TTC39C: variants seen among roughly 807,000 people sequenced by gnomAD.
TTC39C encodes tetratricopeptide repeat domain 39C.
TTC39C carries 33 observed loss-of-function variants against 76.3 expected under a neutral mutation model. The observed-to-expected ratio is 0.43, with a 90% CI of 0.33 to 0.58. TTC39C has a LOEUF of 0.58. Ranked by LOEUF, TTC39C falls within the 20% of genes least tolerant of loss-of-function variation. The probability of loss-of-function intolerance (pLI) is 0.04; values close to 1 mark genes in which losing one functional copy is unlikely to be tolerated. For synonymous variants in TTC39C, 254 were observed against 260.6 expected, an observed-to-expected ratio of 0.97 and a Z score of 0.24; for missense variants, 595 against 701.4, an observed-to-expected ratio of 0.85 and a Z score of 1.71.
intron 8 of TTC39C, among the ~76,000 whole-genome samples, chr18:24,122,821 C>G (rs985319269): frequency 3.3e-5 from 5 of 152,182 alleles, no homozygotes; most frequent in African/African-American, 9.7e-5. Context: ...TCGACTTCTC[C>G]TAGCTCCTTA....
chr18:23,997,694 G>GAAAGA (rs2083278379), intron 1 of TTC39C, among the ~76,000 whole-genome samples: 1 of 149,986 alleles, frequency 6.7e-6, no homozygotes, highest in Admixed American at 6.7e-5. Flanking sequence ...AAGAAAGAAA[G>GAAAGA]AAAGAAAGAA....
chr18:24,121,328 T>C (rs2084965401), intron 8 of TTC39C, among the ~76,000 whole-genome samples: 1 of 152,232 alleles, frequency 6.6e-6, no homozygotes, highest in South Asian at 2.1e-4. Flanking sequence ...ATCCCAGTAC[T>C]TTGGGAGGCC....
At chr18:24,075,840 T>C (rs2084301211) in intron 4 of TTC39C, among the ~76,000 whole-genome samples, 1 of 152,012 alleles carries the variant, frequency 6.6e-6, no homozygotes, top group South Asian at 2.1e-4. Context: ...CCCTGAAAAA[T>C]TACAAAATTT....
intron 1 of TTC39C, among the ~76,000 whole-genome samples, chr18:24,043,400 TC>T (rs2083822392): frequency 6.6e-6 from 1 of 152,140 alleles, no homozygotes; most frequent in South Asian, 2.1e-4. Flanking sequence ...CATTCTTTTT[TC>T]CCTACCCCTC....
At chr18:24,016,500 G>T in intron 1 of TTC39C, 1 of 390,636 alleles carries the variant, frequency 2.6e-6, no homozygotes, top group Non-Finnish European at 4.5e-6. Context: ...TTTAGTTGAT[G>T]ATTTAGGTAC....
chr18:24,086,048 G>T (rs1568432157), intron 6 of TTC39C, among the ~76,000 whole-genome samples: 2 of 152,182 alleles, frequency 1.3e-5, no homozygotes, highest in Non-Finnish European at 2.9e-5. Context: ...AAGGCTGTTT[G>T]TAAGGCCTTG....
chr18:24,045,105 C>G (rs2083848089), intron 1 of TTC39C, among the ~76,000 whole-genome samples: 1 of 151,966 alleles, frequency 6.6e-6, no homozygotes, highest in Non-Finnish European at 1.5e-5. Flanking sequence ...CCTGTCTCTA[C>G]TAAAAATACA....
chr18:24,053,070 A>G (rs2083972365), intron 1 of TTC39C, among the ~76,000 whole-genome samples: 1 of 152,262 alleles, frequency 6.6e-6, no homozygotes, highest in Non-Finnish European at 1.5e-5. Flanking sequence ...TATCTGTAAT[A>G]TATAAAGGAA....
At chr18:24,115,902 T>A (rs1334836456) in intron 7 of TTC39C, among the ~76,000 whole-genome samples, 3 of 152,246 alleles carry the variant, frequency 2.0e-5, no homozygotes, top group Non-Finnish European at 4.4e-5. Flanking sequence ...AGAACTTGAA[T>A]GAAAAACTCT....
At chr18:24,033,285 C>T (rs2145679453) in intron 1 of TTC39C, among the ~76,000 whole-genome samples, 1 of 152,286 alleles carries the variant, frequency 6.6e-6, no homozygotes, top group South Asian at 2.1e-4. Flanking sequence ...ATAACCAGTG[C>T]TTTCTCCAAT....
intron 6 of TTC39C, among the ~76,000 whole-genome samples, chr18:24,111,533 A>G (rs1315222544): frequency 6.7e-6 from 1 of 150,010 alleles, no homozygotes. Flanking sequence ...CACGCCACTG[A>G]CTCCAGCCTG....
chr18:24,070,393 G>A (rs1233464981), intron 4 of TTC39C, among the ~76,000 whole-genome samples: 1 of 152,114 alleles, frequency 6.6e-6, no homozygotes, highest in African/African-American at 2.4e-5. Flanking sequence ...TTATAATGCA[G>A]TAATGTCATA....
chr18:24,014,316 C>T (rs944992690), upstream of TTC39C: 1 of 152,480 alleles, frequency 6.6e-6, no homozygotes, highest in African/African-American at 2.4e-5. Context: ...TTCCCTTTCC[C>T]TTTCCTTCCA....
At chr18:24,042,354 A>C (rs533071689) in intron 1 of TTC39C, among the ~76,000 whole-genome samples, 53 of 152,130 alleles carry the variant, frequency 3.5e-4, no homozygotes, top group Non-Finnish European at 7.2e-4. Context: ...TCCACCTCAG[A>C]TCATCAGGCA....
intron 7 of TTC39C, chr18:24,115,028 G>A (rs953124515): frequency 5.5e-6 from 1 of 182,262 alleles, no homozygotes; most frequent in Non-Finnish European, 1.1e-5. Context: ...TCACCAACTA[G>A]CTCTGAGACC....
intron 1 of TTC39C, among the ~76,000 whole-genome samples, chr18:24,029,755 T>A (rs1467686858): frequency 6.6e-6 from 1 of 152,216 alleles, no homozygotes; most frequent in African/African-American, 2.4e-5. Context: ...CATACGATGT[T>A]TGGTTTTCCA....
chr18:24,079,830 C>G (rs2084355681), intron 4 of TTC39C, among the ~76,000 whole-genome samples: 1 of 131,634 alleles, frequency 7.6e-6, no homozygotes, highest in South Asian at 2.3e-4. Context: ...GAGACAGGAT[C>G]TCACTCTGTT....
intron 1 of TTC39C, among the ~76,000 whole-genome samples, chr18:24,035,710 T>TCC (rs58135617): frequency 6.6e-6 from 1 of 151,834 alleles, no homozygotes. Context: ...TTCAGACATT[T>TCC]CCCCCCCCAT....
intron 4 of TTC39C, among the ~76,000 whole-genome samples, chr18:24,072,295 C>CT (rs35989927): frequency 0.11 from 15,826 of 141,934 alleles, 2,005 homozygotes; most frequent in African/African-American, 0.32. Flanking sequence ...ATGATTCATG[C>CT]TTTTTTTTTT....
Sources: gnomAD v4.1 joint callset for allele counts (sites outside exome capture counted in the v4.1 genomes callset) on GRCh38, gnomAD v4.1.1 for gene constraint, MANE v1.5 for transcripts, NCBI Gene and HGNC (gene_info 2026-07-23, HGNC 2026-07-21) for gene names.